KCNIP4: variants seen among roughly 807,000 people sequenced by gnomAD.
KCNIP4 encodes the protein Kv channel-interacting protein 4.
KCNIP4 carries 12 observed loss-of-function variants against 34.0 expected under a neutral mutation model. That is an observed-to-expected ratio of 0.35 (90% CI 0.23 to 0.57). The LOEUF (loss-of-function observed/expected upper bound fraction) is 0.57. Ranked by LOEUF, KCNIP4 falls within the 20% of genes least tolerant of loss-of-function variation. The pLI is 0.83. For missense variants in KCNIP4, 238 were observed against 311.7 expected (o/e 0.76, Z 1.78); for synonymous variants, 124 against 102.2 (o/e 1.21, Z -1.29).
intron 1 of KCNIP4, among the ~76,000 whole-genome samples, chr4:21,387,042 G>A (rs1181930818): frequency 6.6e-6 from 1 of 152,120 alleles, no homozygotes; most frequent in Non-Finnish European, 1.5e-5. Flanking sequence ...CTGCATTTTG[G>A]AGGCAATGGC....
chr4:21,511,022 C>T (rs151205807), intron 1 of KCNIP4, among the ~76,000 whole-genome samples: 4,742 of 151,562 alleles, frequency 0.031, 121 homozygotes, highest in Admixed American at 0.05. Context: ...CCAGCCTGGG[C>T]GACAGAGAAA....
intron 1 of KCNIP4, among the ~76,000 whole-genome samples, chr4:21,839,797 T>A (rs1311982317): frequency 6.6e-6 from 1 of 152,064 alleles, no homozygotes; most frequent in African/African-American, 2.4e-5. Context: ...ATAAGTACTT[T>A]CTCTTTTTTT....
chr4:21,488,785 A>G (rs1363926240), intron 1 of KCNIP4, among the ~76,000 whole-genome samples: 2 of 152,138 alleles, frequency 1.3e-5, no homozygotes, highest in Non-Finnish European at 2.9e-5. Context: ...CTAATGATTA[A>G]TCAAACTGTC....
At chr4:20,738,852 T>C (rs908505718) in intron 5 of KCNIP4, among the ~76,000 whole-genome samples, 5 of 152,166 alleles carry the variant, frequency 3.3e-5, no homozygotes, top group Admixed American at 2.6e-4. Flanking sequence ...AGGGAAGCTG[T>C]GACAGATGGT....
intron 1 of KCNIP4, among the ~76,000 whole-genome samples, chr4:21,114,498 C>A (rs2109114167): frequency 6.6e-6 from 1 of 152,030 alleles, no homozygotes; most frequent in Admixed American, 6.6e-5. Context: ...TTTTCTTAAA[C>A]CCATTCTATT....
intron 1 of KCNIP4, among the ~76,000 whole-genome samples, chr4:21,352,147 C>G (rs1431716921): frequency 2.0e-5 from 3 of 152,118 alleles, no homozygotes; most frequent in Admixed American, 1.3e-4. Flanking sequence ...AGAAAAAAAT[C>G]TTGGTTCCAT....
At chr4:21,028,155 C>T (rs1399741513) in intron 1 of KCNIP4, among the ~76,000 whole-genome samples, 1 of 152,052 alleles carries the variant, frequency 6.6e-6, no homozygotes, top group African/African-American at 2.4e-5. Flanking sequence ...TCCAGAACCT[C>T]ACCATCTCTC....
chr4:21,906,239 C>A (rs1325388646), intron 1 of KCNIP4, among the ~76,000 whole-genome samples: 2 of 152,124 alleles, frequency 1.3e-5, no homozygotes, highest in African/African-American at 4.8e-5. Context: ...TGGGAAGAGT[C>A]TTTGCAGGTG....
chr4:21,048,758 C>T (rs557323838), intron 1 of KCNIP4, among the ~76,000 whole-genome samples: 3 of 152,132 alleles, frequency 2.0e-5, no homozygotes, highest in South Asian at 2.1e-4. Flanking sequence ...CCAAACAATA[C>T]GGCAGAAGTG....
At chr4:21,036,396 T>C (rs979209997) in intron 1 of KCNIP4, among the ~76,000 whole-genome samples, 2 of 152,192 alleles carry the variant, frequency 1.3e-5, no homozygotes, top group Non-Finnish European at 2.9e-5. Context: ...ATTTGGGGAA[T>C]AAAGGCATTT....
At chr4:21,259,277 C>A (rs1380131694) in intron 1 of KCNIP4, among the ~76,000 whole-genome samples, 1 of 152,218 alleles carries the variant, frequency 6.6e-6, no homozygotes, top group Non-Finnish European at 1.5e-5. Context: ...TCTGTGTTAA[C>A]AACTCAGGCA....
intron 1 of KCNIP4, among the ~76,000 whole-genome samples, chr4:20,917,273 C>A (rs1230441741): frequency 6.6e-6 from 1 of 151,710 alleles, no homozygotes; most frequent in Non-Finnish European, 1.5e-5. Context: ...TGTTATCCAC[C>A]TACCTCGGCC....
At chr4:21,247,755 T>TATATATATATATATATATAC (rs1760354065) in intron 1 of KCNIP4, among the ~76,000 whole-genome samples, 1 of 126,444 alleles carries the variant, frequency 7.9e-6, no homozygotes. Context: ...TATATATATA[T>TATATATATATATATATATAC]ATATACACCC....
At chr4:21,383,110 A>G (rs1235714591) in intron 1 of KCNIP4, among the ~76,000 whole-genome samples, 2 of 152,166 alleles carry the variant, frequency 1.3e-5, no homozygotes, top group Admixed American at 1.3e-4. Flanking sequence ...CACACAGAGA[A>G]AAGATCAAGA....
At chr4:21,514,720 CA>C (rs558517839) in intron 1 of KCNIP4, among the ~76,000 whole-genome samples, 27 of 151,462 alleles carry the variant, frequency 1.8e-4, no homozygotes, top group African/African-American at 5.1e-4. Context: ...TAAATTAAAA[CA>C]AAAAAAAGTG....
chr4:21,388,087 C>CTTGAGAAAGATTTCAGGTGTG (rs1335942549), intron 1 of KCNIP4, among the ~76,000 whole-genome samples: 1,140 of 44,036 alleles, frequency 0.026, 19 homozygotes, highest in African/African-American at 0.062. Flanking sequence ...AGAATAGGCT[C>CTTGAGAAAGATTTCAGGTGTG]CTGAGAAAGA....
At chr4:21,247,749 T>TAC in intron 1 of KCNIP4, among the ~76,000 whole-genome samples, 1 of 127,570 alleles carries the variant, frequency 7.8e-6, no homozygotes, top group African/African-American at 3.2e-5. Context: ...TATATATATA[T>TAC]ATATATATAT....
chr4:20,824,333 G>A (rs979820540), intron 3 of KCNIP4, among the ~76,000 whole-genome samples: 3 of 152,168 alleles, frequency 2.0e-5, no homozygotes, highest in African/African-American at 7.2e-5. Context: ...TTCAGGACAA[G>A]TAGGCACAAA....
intron 1 of KCNIP4, among the ~76,000 whole-genome samples, chr4:21,418,352 T>C (rs952105006): frequency 1.3e-5 from 2 of 152,040 alleles, no homozygotes; most frequent in East Asian, 3.9e-4. Context: ...CCCCAGTTAG[T>C]TGGGCATGAT....
Sources: gnomAD v4.1 joint callset for allele counts (sites outside exome capture counted in the v4.1 genomes callset) on GRCh38, gnomAD v4.1.1 for gene constraint, MANE v1.5 for transcripts, NCBI Gene and HGNC (gene_info 2026-07-23, HGNC 2026-07-21) for gene names.